The following GAB1 variants were observed in gnomAD, a reference collection of about 807,000 sequenced individuals.
GAB1 encodes the protein GRB2-associated-binding protein 1.
GAB1 carries 19 observed loss-of-function variants against 66.5 expected under a neutral mutation model. That is an observed-to-expected ratio of 0.29 (90% CI 0.20 to 0.42). GAB1 has a LOEUF of 0.42. Ranked by LOEUF, GAB1 falls within the 10% of genes least tolerant of loss-of-function variation. The probability of loss-of-function intolerance (pLI) is 1.00; values close to 1 mark genes in which losing one functional copy is unlikely to be tolerated. For synonymous variants in GAB1, 294 were observed against 301.4 expected, an observed-to-expected ratio of 0.98 and a Z score of 0.25; for missense variants, 732 against 858.5, an observed-to-expected ratio of 0.85 and a Z score of 1.84.
chr4:143,418,725 A>G (rs17017760), intron 2 of GAB1, among the ~76,000 whole-genome samples: 7,412 of 152,274 alleles, frequency 0.049, 285 homozygotes, highest in South Asian at 0.11. Flanking sequence ...TACAAAGGAA[A>G]TGAGATGTTC....
chr4:143,371,227 T>G lies in GAB1; in HGVS notation c.72+33967T>G, dbSNP rs1358402206. On this transcript the variant is annotated intron_variant, in intron 1 of 9. Coordinates refer to ENST00000262994, the MANE Select transcript of GAB1 (RefSeq NM_002039.4). ...CAGCACCTGTTGTTTCCTGACTTTT[T>G]AATGATCGCCATTCTAACTGGTGTG... Among the ~76,000 whole-genome samples the G allele has an allele frequency of 3.9e-5, 6 of 152,206 alleles. No individual in the cohort carries two copies. In the East Asian group the frequency reaches 7.7e-4, roughly 20 times the overall value.
chr4:143,364,840 A>G lies in GAB1; in HGVS notation c.72+27580A>G, dbSNP rs529304852. ...GTGAAAAGGAGTAGAAGCAGGGGAG[A>G]CAAAAATTAAAGCTCTCCCTGCATC... On this transcript the variant is annotated intron_variant, in intron 1 of 9. Coordinates refer to ENST00000262994, the MANE Select transcript of GAB1 (RefSeq NM_002039.4). 2.0e-5 allele frequency among the ~76,000 whole-genome samples: 3 copies of G among 150,086 alleles called. No homozygotes were observed. The East Asian group carries it at 5.8e-4, about 29-fold the overall frequency.
At chr4:143,451,986 C>T (rs895957554) in intron 6 of GAB1, among the ~76,000 whole-genome samples, 4 of 152,022 alleles carry the variant, frequency 2.6e-5, no homozygotes, top group Non-Finnish European at 4.4e-5. Flanking sequence ...AAGAGCACCC[C>T]GCTCTTTGCT....
At position 143,469,898 on chromosome 4, in the gene GAB1, A is replaced by G. The variant is rs1735998391; in HGVS notation, c.*709A>G. 1 of 152,716 alleles carries G rather than the reference A, an allele frequency of 6.5e-6. No individual in the cohort carries two copies. Among genetic ancestry groups the G allele is most frequent in the Admixed American group, 6.5e-5 (1 of 15,294 alleles). 9.5% of individuals were successfully genotyped at this position (152,716 alleles called of 1,614,324 possible). On this transcript the variant is annotated 3_prime_UTR_variant, in exon 10 of 10. Transcript: ENST00000262994. ...CTTTGAAAGACTGAATAATTACACT[A>G]CCAAGTAAGCCTGCAAATCATTGAT... is the stretch of plus-strand genomic sequence containing the variant.
At chr4:143,340,519 A>AT (rs1235312420) in intron 1 of GAB1, among the ~76,000 whole-genome samples, 4 of 151,238 alleles carry the variant, frequency 2.6e-5, no homozygotes, top group Non-Finnish European at 5.9e-5. Flanking sequence ...TTTTTAATTA[A>AT]TTTTTTTTTG....
intron 2 of GAB1, among the ~76,000 whole-genome samples, chr4:143,420,329 C>A (rs1303316682): frequency 2.0e-5 from 3 of 152,036 alleles, no homozygotes; most frequent in Non-Finnish European, 4.4e-5. Context: ...TGTCCCCAGT[C>A]CCTGTGAGAA....
At chr4:143,375,973 G>A (rs1380106386) in intron 1 of GAB1, among the ~76,000 whole-genome samples, 1 of 152,126 alleles carries the variant, frequency 6.6e-6, no homozygotes, top group Non-Finnish European at 1.5e-5. Context: ...TGCTGCATAG[G>A]AGCTCCTGTC....
chr4:143,423,793 T>TAC (rs1733162199), intron 2 of GAB1, among the ~76,000 whole-genome samples: 1 of 3,752 alleles, frequency 2.7e-4, no homozygotes, highest in Non-Finnish European at 4.8e-4. Flanking sequence ...AAAAAAAGTG[T>TAC]ATATATATAT....
At chr4:143,393,589 A>G (rs1032554087) in intron 1 of GAB1, among the ~76,000 whole-genome samples, 2 of 152,230 alleles carry the variant, frequency 1.3e-5, no homozygotes, top group Non-Finnish European at 2.9e-5. Context: ...TATTCAATAA[A>G]TGTTAATAAT....
In GAB1 at chr4:143,469,164, A is replaced by G. The variant is rs765650578; in HGVS notation, c.2060A>G (p.Glu687Gly). 5.6e-6 allele frequency: 9 copies of G among 1,614,178 alleles called. No homozygotes were observed. Among genetic ancestry groups the G allele is most frequent in the Non-Finnish European group, 6.8e-6 (8 of 1,180,006 alleles). ...GATGGGAGACAGTCCACAGAATCAG[A>G]AACGCCAGCGAAGAGTGTGAAATGA... is the stretch of plus-strand genomic sequence containing the variant. Reference protein sequence around the residue: ...WTDGRQSTESETPAKSVK With the variant: ...WTDGRQSTESGTPAKSVK The change falls in exon 10 of 10, where the codon GAA (glutamate) becomes GGA (glycine). Residue 687 changes from glutamate to glycine, a missense_variant. Coordinates refer to ENST00000262994, the MANE Select transcript of GAB1 (RefSeq NM_002039.4).
At chr4:143,409,397 G>A (rs79471572) in intron 1 of GAB1, among the ~76,000 whole-genome samples, 2 of 115,500 alleles carry the variant, frequency 1.7e-5, no homozygotes, top group African/African-American at 3.7e-5. Flanking sequence ...CCCCCCCCCC[G>A]CTCTGAAATC....
chr4:143,380,805 A>G (rs1250250038), intron 1 of GAB1: 1 of 152,246 alleles, frequency 6.6e-6, no homozygotes, highest in Non-Finnish European at 1.5e-5. Context: ...GTACACCAGA[A>G]AGAAATAGTT....
chr4:143,351,579 G>C (rs560800629), intron 1 of GAB1, among the ~76,000 whole-genome samples: 1 of 152,336 alleles, frequency 6.6e-6, no homozygotes, highest in East Asian at 1.9e-4. Context: ...CAAGGCTGGA[G>C]TGCCTATCCT....
chr4:143,393,049 A>G (rs993052762), intron 1 of GAB1, among the ~76,000 whole-genome samples: 4 of 152,050 alleles, frequency 2.6e-5, no homozygotes, highest in Non-Finnish European at 2.9e-5. Flanking sequence ...CATGTGGACT[A>G]TGGGCTGTAA....
At position 143,336,937 on chromosome 4, in the gene GAB1, G is replaced by C. The variant is rs571177644; in HGVS notation, c.-252G>C. 247 of 475,400 alleles carry C rather than the reference G, an allele frequency of 5.2e-4. 1 individual carries two copies. The highest frequency in any genetic ancestry group is 4.5e-3 in the African/African-American group (217 of 48,180). 29.4% of individuals were successfully genotyped at this position (475,400 alleles called of 1,614,324 possible). ...GGCGAGACGGCACGTCTGGAGGCGA[G>C]GCGGGCGCACTGAAAGGAGGCCGGC... On this transcript the variant is annotated 5_prime_UTR_variant, in exon 1 of 10. Transcript: ENST00000262994.
At chr4:143,359,470 C>G (rs1229187947) in intron 1 of GAB1, among the ~76,000 whole-genome samples, 1 of 152,186 alleles carries the variant, frequency 6.6e-6, no homozygotes, top group Admixed American at 6.5e-5. Flanking sequence ...AATGAGAGAA[C>G]ATTTCCATGT....
At chr4:143,439,977 T>G in intron 5 of GAB1, 90 bp downstream of exon 5, 1 of 1,409,334 alleles carries the variant, frequency 7.1e-7, no homozygotes, top group Middle Eastern at 1.8e-4. Context: ...TATCATGAAA[T>G]AAAAGTACGC....
chr4:143,357,801 A>G (rs942583110), intron 1 of GAB1, among the ~76,000 whole-genome samples: 9 of 151,944 alleles, frequency 5.9e-5, no homozygotes, highest in African/African-American at 2.2e-4. Context: ...GATTCCTTCT[A>G]CCCTAAGGGC....
At chr4:143,460,024 CGT>C (rs28925943) in intron 7 of GAB1, among the ~76,000 whole-genome samples, 9 of 150,858 alleles carry the variant, frequency 6.0e-5, no homozygotes, top group East Asian at 1.9e-4. Context: ...GTTCATGTTT[CGT>C]GTGTGTGTGT....
Sources: gnomAD v4.1 joint callset for allele counts (sites outside exome capture counted in the v4.1 genomes callset) on GRCh38, gnomAD v4.1.1 for gene constraint, MANE v1.5 for transcripts, NCBI Gene and HGNC (gene_info 2026-07-23, HGNC 2026-07-21) for gene names.